UVRAG: variants seen among roughly 807,000 people sequenced by gnomAD.
UVRAG encodes UV radiation resistance associated.
In UVRAG, 19 loss-of-function variants were observed where a neutral mutation model predicts 78.0. The ratio of observed to expected loss-of-function variants is 0.24; its 90% CI spans 0.17 to 0.36. The LOEUF is 0.36. Ranked by LOEUF, UVRAG falls within the 10% of genes least tolerant of loss-of-function variation. The pLI is 1.00. For missense variants in UVRAG, 740 were observed against 853.8 expected (o/e 0.87, Z 1.66); for synonymous variants, 323 against 324.6 (o/e 1.00, Z 0.05).
At chr11:76,027,803 G>C (rs561668208) in intron 12 of UVRAG, among the ~76,000 whole-genome samples, 2 of 152,100 alleles carry the variant, frequency 1.3e-5, no homozygotes, top group African/African-American at 4.8e-5. Context: ...AATCCAGTGG[G>C]AAAGTACTGT....
chr11:76,063,732 G>A (rs1387466453), intron 12 of UVRAG, among the ~76,000 whole-genome samples: 1 of 152,130 alleles, frequency 6.6e-6, no homozygotes, highest in African/African-American at 2.4e-5. Flanking sequence ...TCTTTGTGGT[G>A]TTATGGACCT....
intron 3 of UVRAG, among the ~76,000 whole-genome samples, chr11:75,871,260 G>A (rs561403238): frequency 1.0e-4 from 15 of 146,748 alleles, no homozygotes; most frequent in African/African-American, 3.8e-4. Flanking sequence ...GCCTGGTTAT[G>A]AACTTTTACA....
At chr11:75,996,436 G>A (rs540100095) in intron 8 of UVRAG, among the ~76,000 whole-genome samples, 1 of 152,272 alleles carries the variant, frequency 6.6e-6, no homozygotes, top group South Asian at 2.1e-4. Context: ...AACATGGCAG[G>A]TGTGATAAAT....
intron 1 of UVRAG, among the ~76,000 whole-genome samples, chr11:75,843,255 A>G (rs1945954870): frequency 6.6e-6 from 1 of 152,226 alleles, no homozygotes; most frequent in Non-Finnish European, 1.5e-5. Flanking sequence ...ATTAAGGTTC[A>G]AAACTGTATC....
intron 12 of UVRAG, among the ~76,000 whole-genome samples, chr11:76,020,304 A>G (rs555875649): frequency 6.6e-6 from 1 of 152,116 alleles, no homozygotes; most frequent in East Asian, 1.9e-4. Context: ...GGGACCCCAA[A>G]AGCCCATTTG....
intron 12 of UVRAG, among the ~76,000 whole-genome samples, chr11:76,022,195 C>T (rs1950256622): frequency 6.6e-6 from 1 of 152,094 alleles, no homozygotes; most frequent in Non-Finnish European, 1.5e-5. Flanking sequence ...ATTATGAAGA[C>T]TTGTTTTGTG....
At chr11:76,074,919 G>A (rs1481170644) in intron 13 of UVRAG, among the ~76,000 whole-genome samples, 2 of 152,084 alleles carry the variant, frequency 1.3e-5, no homozygotes, top group African/African-American at 4.8e-5. Context: ...AGACTTCATA[G>A]AAAGTAAAAA....
At chr11:75,949,197 G>T (rs1948638083) in intron 6 of UVRAG, among the ~76,000 whole-genome samples, 1 of 152,084 alleles carries the variant, frequency 6.6e-6, no homozygotes. Context: ...TGTGACAGTG[G>T]TCATTCCTCC....
intron 6 of UVRAG, among the ~76,000 whole-genome samples, chr11:75,937,358 CTCT>C (rs1430658943): frequency 6.6e-6 from 1 of 152,162 alleles, no homozygotes; most frequent in Non-Finnish European, 1.5e-5. Context: ...ATTTCTGGTG[CTCT>C]TCATTTCATT....
chr11:75,952,130 T>G (rs1473703377), intron 6 of UVRAG, among the ~76,000 whole-genome samples: 1 of 152,212 alleles, frequency 6.6e-6, no homozygotes, highest in Non-Finnish European at 1.5e-5. Flanking sequence ...ATATATTAAT[T>G]TAAACTCTTG....
chr11:76,081,248 C>T (rs943590580), intron 13 of UVRAG, among the ~76,000 whole-genome samples: 1 of 151,998 alleles, frequency 6.6e-6, no homozygotes, highest in East Asian at 1.9e-4. Context: ...CTCTGTTGCC[C>T]AGGCTGGAGT....
chr11:75,955,010 A>G (rs1948767683), intron 6 of UVRAG, among the ~76,000 whole-genome samples: 1 of 152,220 alleles, frequency 6.6e-6, no homozygotes, highest in Non-Finnish European at 1.5e-5. Context: ...GAAGGAATAA[A>G]TTATAAGGAT....
chr11:75,829,879 G>A (rs1448489847), intron 1 of UVRAG, among the ~76,000 whole-genome samples: 2 of 152,186 alleles, frequency 1.3e-5, no homozygotes, highest in Admixed American at 1.3e-4. Flanking sequence ...TCACTCTGTT[G>A]CCCAGTCTGG....
intron 6 of UVRAG, among the ~76,000 whole-genome samples, chr11:75,959,011 A>G (rs1375148865): frequency 6.6e-6 from 1 of 152,210 alleles, no homozygotes; most frequent in Non-Finnish European, 1.5e-5. Context: ...AGAGTCCTAA[A>G]ATATTCATAA....
At chr11:75,985,574 T>C (rs1468336205) in intron 8 of UVRAG, among the ~76,000 whole-genome samples, 1 of 152,190 alleles carries the variant, frequency 6.6e-6, no homozygotes, top group African/African-American at 2.4e-5. Flanking sequence ...TAGATGAGGC[T>C]TTTTGTGACT....
At chr11:76,056,786 G>T (rs564664867) in intron 12 of UVRAG, among the ~76,000 whole-genome samples, 5 of 152,128 alleles carry the variant, frequency 3.3e-5, no homozygotes, top group African/African-American at 4.8e-5. Context: ...TATCTTTTTT[G>T]TGTGTGTAAT....
At chr11:75,986,506 A>C (rs1479679584) in intron 8 of UVRAG, among the ~76,000 whole-genome samples, 1 of 152,196 alleles carries the variant, frequency 6.6e-6, no homozygotes, top group Non-Finnish European at 1.5e-5. Flanking sequence ...ATTTATTTAC[A>C]TTCTAATTTA....
chr11:76,014,811 G>T (rs895758830), intron 11 of UVRAG, among the ~76,000 whole-genome samples: 1 of 152,160 alleles, frequency 6.6e-6, no homozygotes, highest in African/African-American at 2.4e-5. Context: ...GTATGATAAT[G>T]AATTTATAAT....
At chr11:76,139,290 A>G (rs1952658896) in intron 14 of UVRAG, among the ~76,000 whole-genome samples, 1 of 152,220 alleles carries the variant, frequency 6.6e-6, no homozygotes, top group Non-Finnish European at 1.5e-5. Flanking sequence ...CACAAGTGGA[A>G]GAAACCCCAG....
Sources: gnomAD v4.1 joint callset for allele counts (sites outside exome capture counted in the v4.1 genomes callset) on GRCh38, gnomAD v4.1.1 for gene constraint, MANE v1.5 for transcripts, NCBI Gene and HGNC (gene_info 2026-07-23, HGNC 2026-07-21) for gene names.